The following GGT1 variants were observed in gnomAD, a reference collection of about 807,000 sequenced individuals.
GGT1 encodes gamma-glutamyltransferase 1, also known as glutathione hydrolase 1 proenzyme.
Under a neutral mutation model 56.0 loss-of-function variants are expected in GGT1, and 21 were observed. The observed-to-expected ratio is 0.38, with a 90% CI of 0.27 to 0.54. The LOEUF (loss-of-function observed/expected upper bound fraction) is 0.54. GGT1 is among the 20% of genes least tolerant of loss of function. The pLI is 0.82. For missense variants in GGT1, 466 were observed against 787.0 expected, an observed-to-expected ratio of 0.59 and a Z score of 4.88; for synonymous variants, 238 against 342.6, an observed-to-expected ratio of 0.69 and a Z score of 3.37.
chr22:24,625,095 C>T (rs551717751), intron 11 of GGT1, among the ~76,000 whole-genome samples: 29 of 152,328 alleles, frequency 1.9e-4, no homozygotes, highest in African/African-American at 6.3e-4. Context: ...TAACTCTCTC[C>T]GTCTCCACCC....
At chr22:24,596,968 ATTCT>A (rs1329016500) in intron 1 of GGT1, among the ~76,000 whole-genome samples, 3 of 141,854 alleles carry the variant, frequency 2.1e-5, no homozygotes, top group Non-Finnish European at 4.5e-5. Flanking sequence ...GGGCTCATTC[ATTCT>A]TTTTTTAATT....
chr22:24,626,782 C>T (rs1347394172), intron 11 of GGT1, among the ~76,000 whole-genome samples: 1 of 151,360 alleles, frequency 6.6e-6, no homozygotes, highest in African/African-American at 2.4e-5. Context: ...GCCTGCATGG[C>T]ACAGAGCAAA....
At chr22:24,615,186 GGCCTTGCCCACAGGA>G (rs2046980593) in intron 7 of GGT1, 59 bp downstream of exon 7, 1 of 1,273,330 alleles carries the variant, frequency 7.9e-7, no homozygotes, top group African/African-American at 1.5e-5. Context: ...ACCGGGAAGG[GGCCTTGCCCACAGGA>G]GCCTGCTCCC....
chr22:24,625,075 T>C lies in GGT1; in HGVS notation c.1020+1159T>C, dbSNP rs374376004. Among the ~76,000 whole-genome samples, 104 of 152,342 alleles carry C rather than the reference T, an allele frequency of 6.8e-4. 1 individual carries two copies. In the South Asian group the frequency reaches 0.021, roughly 31 times the overall value. On this transcript the variant is annotated intron_variant, in intron 11 of 15. Transcript: ENST00000400382. The stretch of plus-strand genomic sequence containing the variant: ...GGAGTCTGCAGTGTGGATGTTTCTG[T>C]CGGATTTCCTAACTCTCTCCGTCTC...
At chr22:24,608,297 G>A (rs2046447398) in intron 2 of GGT1, among the ~76,000 whole-genome samples, 1 of 152,212 alleles carries the variant, frequency 6.6e-6, no homozygotes. Context: ...CCTGCCCTGG[G>A]AGGAAGGGAC....
At chr22:24,615,752 G>C (rs978410467) in intron 7 of GGT1, 1 of 153,256 alleles carries the variant, frequency 6.5e-6, no homozygotes, top group Non-Finnish European at 1.5e-5. Context: ...CTGAAGGGAA[G>C]CCACTGTCCA....
the GGT1 span, chr22:24,588,305 C>T: frequency 1.9e-6 from 3 of 1,613,286 alleles, no homozygotes; most frequent in South Asian, 2.2e-5. Flanking sequence ...CAGATCTTGT[C>T]CGAGGACTTC....
At chr22:24,605,023 C>CATATATATATATATATATATAT (rs1286788943) in intron 1 of GGT1, among the ~76,000 whole-genome samples, 1 of 65,002 alleles carries the variant, frequency 1.5e-5, no homozygotes, top group African/African-American at 1.6e-4. Flanking sequence ...TCCTGTATGT[C>CATATATATATATATATATATAT]ATATATATAT....
chr22:24,611,012 T>G, intron 4 of GGT1, 63 bp from the exon 5 acceptor site: 2 of 1,479,680 alleles, frequency 1.4e-6, no homozygotes, highest in Non-Finnish European at 1.8e-6. Flanking sequence ...TGTGCCCTGT[T>G]GGGGAGGGGC....
intron 7 of GGT1, among the ~76,000 whole-genome samples, chr22:24,619,401 A>G (rs1486154370): frequency 6.1e-4 from 31 of 50,480 alleles, no homozygotes; most frequent in Admixed American, 2.5e-3. Context: ...TCCATCTCAG[A>G]AAAAAAAAAA....
At chr22:24,596,049 C>T (rs1276849280) in intron 1 of GGT1, among the ~76,000 whole-genome samples, 1 of 152,224 alleles carries the variant, frequency 6.6e-6, no homozygotes, top group Non-Finnish European at 1.5e-5. Context: ...TGTGTTTGCT[C>T]TACAGGAACG....
chr22:24,622,333 G>A (rs1383784650), intron 9 of GGT1, among the ~76,000 whole-genome samples: 2 of 152,186 alleles, frequency 1.3e-5, no homozygotes, highest in African/African-American at 4.8e-5. Flanking sequence ...GAGAGGCCGA[G>A]GCGTGTGGAT....
In GGT1 at chr22:24,606,012, C is replaced by A. The variant is rs185734907; in HGVS notation, c.-428-1942C>A. Among the ~76,000 whole-genome samples, 80 of 24,170 alleles carry A rather than the reference C, an allele frequency of 3.3e-3. 19 individuals carry two copies. The highest frequency in any genetic ancestry group is 0.015 in the African/African-American group (78 of 5,222). The allele number at this position is 24,170 out of a possible 152,430, so 15.9% of individuals were successfully genotyped here. On this transcript the variant is annotated intron_variant, in intron 1 of 15. Coordinates refer to ENST00000400382, the MANE Select transcript of GGT1 (RefSeq NM_001288833.2). ...TATTTATATAATTTATATAATATAT[C>A]ATATATTATATTTATATAATTTATA...
At chr22:24,602,613 C>T (rs1282590848), upstream of GGT1, among the ~76,000 whole-genome samples, 9 of 152,236 alleles carry the variant, frequency 5.9e-5, no homozygotes, top group Admixed American at 5.2e-4. Context: ...CTGGGGTCCT[C>T]GGTCAGCCTG....
chr22:24,586,326 G>A, the GGT1 span: 1 of 1,614,010 alleles, frequency 6.2e-7, no homozygotes, highest in African/African-American at 1.3e-5. Flanking sequence ...CGTGTGATGT[G>A]TTGCACGTCC....
rs544399212 is a variant in GGT1 at position 24,607,430 on chromosome 22, G to T, written c.-428-524G>T. Among the ~76,000 whole-genome samples the T allele has an allele frequency of 5.9e-5, 9 of 152,342 alleles. No individual in the cohort carries two copies. The East Asian group carries it at 1.7e-3, about 29-fold the overall frequency. On this transcript the variant is annotated intron_variant, in intron 1 of 15. Transcript: ENST00000400382. ...AACCAGCCTGGGGCTCACTGGAGGG[G>T]CTCGTGGGCAGACAGCGCCCTTTGG... is the stretch of plus-strand genomic sequence containing the variant.
chr22:24,595,093 TG>T (rs1176949170), intron 1 of GGT1, among the ~76,000 whole-genome samples: 6 of 152,212 alleles, frequency 3.9e-5, no homozygotes, highest in African/African-American at 1.4e-4. Flanking sequence ...GGCAGCGGTA[TG>T]GGGGAGTGCT....
At position 24,628,585 on chromosome 22, in the gene GGT1, G is replaced by T. The variant is rs1271761032; in HGVS notation, c.1564-108G>T. The T allele has an allele frequency of 6.7e-7, 1 of 1,499,074 alleles. No homozygotes were observed. Among genetic ancestry groups the T allele is most frequent in the Non-Finnish European group, 9.2e-7 (1 of 1,085,060 alleles). The allele number at this position is 1,499,074 out of a possible 1,614,324, so 92.9% of individuals were successfully genotyped here. A position where few individuals can be genotyped will look rare whatever the true frequency, so the allele number is the denominator to read the frequency against. ...CAGGCCCCAACCTGCTCTTCCTGAT[G>T]ACCTGGCCCGAAATGGCACCACCTG... On this transcript the variant is annotated intron_variant, in intron 15 of 15. Coordinates refer to ENST00000400382, the MANE Select transcript of GGT1 (RefSeq NM_001288833.2). This position sits in a 1 kb window ranked among gnomAD's most constrained non-coding sequence, Gnocchi z 5.7.
upstream of GGT1, chr22:24,592,898 C>A (rs747416487): frequency 1.6e-6 from 2 of 1,281,132 alleles, no homozygotes; most frequent in Non-Finnish European, 2.0e-6. Context: ...CGGGCGCGCT[C>A]CGGCCGCCGC....
Sources: gnomAD v4.1 joint callset for allele counts (sites outside exome capture counted in the v4.1 genomes callset) on GRCh38, gnomAD v4.1.1 for gene constraint, Gnocchi (gnomAD v3.1) non-coding constraint, MANE v1.5 for transcripts, NCBI Gene and HGNC (gene_info 2026-07-23, HGNC 2026-07-21) for gene names.